Variants in OAS3 observed in about 807,000 individuals in gnomAD.
OAS3 encodes 2'-5'-oligoadenylate synthetase 3.
In OAS3, 107 loss-of-function variants were observed where a neutral mutation model predicts 113.0. The ratio of observed to expected loss-of-function variants is 0.95; its 90% CI spans 0.81 to 1.11. The LOEUF (loss-of-function observed/expected upper bound fraction) is 1.11. Among genes scored for constraint, OAS3 ranks in the 50% most tolerant of loss-of-function variants. The pLI is 0.00. For missense variants in OAS3, 1,258 were observed against 1,389.1 expected, an observed-to-expected ratio of 0.91 and a Z score of 1.50; for synonymous variants, 552 against 573.6, an observed-to-expected ratio of 0.96 and a Z score of 0.54.
intron 7 of OAS3, among the ~76,000 whole-genome samples, chr12:112,958,179 A>G (rs2043852515): frequency 6.6e-6 from 1 of 152,248 alleles, no homozygotes; most frequent in Non-Finnish European, 1.5e-5. Context: ...CATGATTTTC[A>G]GCTCCATCAG....
Position 112,948,044 on chromosome 12 carries a change from A to T in OAS3, c.974A>T (p.Asp325Val). The change falls in exon 5 of 16, where the codon GAC (aspartate) becomes GTC (valine). Residue 325 changes from aspartate (D) to valine (V), a missense_variant. Coordinates refer to ENST00000228928, the MANE Select transcript of OAS3 (RefSeq NM_006187.4). ...LLAQEAASCY[D>V]HPCFLRGMGD... ...GCCCAGGAGGCAGCATCCTGCTATG[A>T]CCACCCATGCTTTCTGAGGGGGATG... 3.3e-5 allele frequency: 52 copies of T among 1,593,542 alleles called. No homozygotes were observed. The highest frequency in any genetic ancestry group is 4.4e-5 in the Non-Finnish European group (52 of 1,169,394).
chr12:112,969,339 T>C (rs909925224), intron 14 of OAS3: 3 of 499,850 alleles, frequency 6.0e-6, no homozygotes, highest in African/African-American at 3.8e-5. Context: ...TTGTGATTGA[T>C]TAACAATGCC....
At chr12:112,949,712 C>T (rs2043771916) in intron 6 of OAS3, among the ~76,000 whole-genome samples, 1 of 152,186 alleles carries the variant, frequency 6.6e-6, no homozygotes. Context: ...TGAGGCCTGA[C>T]CACACGATTT....
chr12:112,946,772 G>A lies in OAS3; in HGVS notation c.666G>A (p.Thr222=), dbSNP rs760525393. ...GCCTACAGGGGTTGTGGAAGGAGAC[G>A]CTGCCCCCGGTCTATGCCCTGGAAT... is the stretch of plus-strand genomic sequence containing the variant. ...QVCLQGLWKE[T]LPPVYALELL... The change falls in exon 4 of 16, where the codon ACG becomes ACA. Residue 222 remains threonine, a synonymous_variant. Transcript: ENST00000228928. 70 of 1,611,870 alleles carry A rather than the reference G, an allele frequency of 4.3e-5. No homozygotes were observed. Among genetic ancestry groups the A allele is most frequent in the Non-Finnish European group, 5.5e-5 (65 of 1,179,186 alleles).
At position 112,967,955 on chromosome 12, in the gene OAS3, G is replaced by C. The variant is rs1438024485; in HGVS notation, c.2885G>C (p.Gly962Ala). Residue 962 changes from glycine (G) to alanine (A), a missense_variant, in exon 14 of 16, where the codon GGG (glycine) becomes GCG (alanine). Coordinates refer to ENST00000228928, the MANE Select transcript of OAS3 (RefSeq NM_006187.4). Reference sequence around the variant, plus strand: ...CTCCAGTGTACCAAGATCTCCAAGGGGAGAGGCTCCCTACCCCCACAGCAC... The same window carrying C: ...CTCCAGTGTACCAAGATCTCCAAGGCGAGAGGCTCCCTACCCCCACAGCAC... ...WYQQCTKISK[G>A]RGSLPPQHGL... The C allele has an allele frequency of 6.2e-7, 1 of 1,613,726 alleles. No homozygotes were observed. Among genetic ancestry groups the C allele is most frequent in the Non-Finnish European group, 8.5e-7 (1 of 1,179,746 alleles).
chr12:112,957,965 C>G (rs947174668), intron 7 of OAS3, among the ~76,000 whole-genome samples: 2 of 152,192 alleles, frequency 1.3e-5, no homozygotes, highest in Non-Finnish European at 2.9e-5. Context: ...TGTCACTTTC[C>G]GGTACACCAA....
At chr12:112,941,484 C>T in intron 1 of OAS3, 86 bp from the exon 2 acceptor site, 1 of 1,444,360 alleles carries the variant, frequency 6.9e-7, no homozygotes, top group Non-Finnish European at 9.5e-7. Flanking sequence ...CTCCCCAGCA[C>T]ACTTGCCTCA....
At position 112,966,023 on chromosome 12, in the gene OAS3, G is replaced by A. The variant is rs1014332325; in HGVS notation, c.2683G>A (p.Ala895Thr). The A allele has an allele frequency of 7.4e-6, 12 of 1,613,744 alleles. No individual in the cohort carries two copies. In the African/African-American group the frequency reaches 9.3e-5, roughly 13 times the overall value. The change falls in exon 12 of 16, where the codon GCC (alanine) becomes ACC (threonine). Residue 895 changes from alanine to threonine, a missense_variant. Physicochemically the swap from Ala to Thr is moderately conservative, Grantham distance 58. Coordinates refer to ENST00000228928, the MANE Select transcript of OAS3 (RefSeq NM_006187.4). ...VDFDVLPAFD[A>T]LGQLVSGSRP... ...CTTTGATGTGCTGCCAGCCTTTGAC[G>A]CCCTAGGTGAGGTGCCCTGGCGTAG...
Position 112,963,433 on chromosome 12 carries a change from A to G in OAS3, c.2205A>G (p.Thr735=), listed in dbSNP as rs1467302699. ...CCTGCTTTCTGAGTAGAGACGGGAC[A>G]TCTGTGCAGCCCTGGGATGTGATGG... is the stretch of plus-strand genomic sequence containing the variant. The part of the protein sequence containing the change: ...MQACFLSRDG[T]SVQPWDVMPA... The change falls in exon 10 of 16, where the codon ACA becomes ACG. Residue 735 remains threonine (T), a synonymous_variant. Coordinates refer to ENST00000228928, the MANE Select transcript of OAS3 (RefSeq NM_006187.4). The surrounding 1 kb of genome is among the most constrained non-coding windows in gnomAD (Gnocchi z 4.6). 4 of 1,550,844 alleles carry G rather than the reference A, an allele frequency of 2.6e-6. No homozygotes were observed. Among genetic ancestry groups the G allele is most frequent in the Non-Finnish European group, 3.5e-6 (4 of 1,146,560 alleles).
chr12:112,957,157 A>C (rs1175174758), intron 7 of OAS3, among the ~76,000 whole-genome samples: 1 of 152,088 alleles, frequency 6.6e-6, no homozygotes. Context: ...CTAGGATTGC[A>C]ACCCTTGCTT....
chr12:112,945,711 T>C (rs901354834), intron 3 of OAS3, among the ~76,000 whole-genome samples: 1 of 152,196 alleles, frequency 6.6e-6, no homozygotes, highest in Non-Finnish European at 1.5e-5. Flanking sequence ...TTCCTAGCCT[T>C]CTCTGGGCCT....
chr12:112,967,409 C>T lies in OAS3; in HGVS notation c.2690-9C>T. On this transcript the variant is annotated splice_polypyrimidine_tract_variant and intron_variant, in intron 12 of 15. Coordinates refer to ENST00000228928, the MANE Select transcript of OAS3 (RefSeq NM_006187.4). The stretch of plus-strand genomic sequence containing the variant: ...GCCGGAGTGATGGTAACCATCTCCC[C>T]ATCTCCAGGCCAGCTGGTCTCTGGC... The T allele has an allele frequency of 1.2e-6, 2 of 1,607,874 alleles. No homozygotes were observed. The highest frequency in any genetic ancestry group is 1.7e-6 in the Non-Finnish European group (2 of 1,176,916).
chr12:112,968,996 GA>G (rs1188220600), intron 14 of OAS3, among the ~76,000 whole-genome samples: 1 of 152,178 alleles, frequency 6.6e-6, no homozygotes, highest in African/African-American at 2.4e-5. Flanking sequence ...ATGATGTGTT[GA>G]AAAAGCTTCT....
intron 11 of OAS3, among the ~76,000 whole-genome samples, 195 bp from the exon 12 acceptor site, chr12:112,965,549 G>A (rs373606441): frequency 4.6e-5 from 7 of 152,290 alleles, no homozygotes; most frequent in African/African-American, 1.7e-4. Flanking sequence ...ATTTGTTGAA[G>A]GGTTTAAACT....
chr12:112,958,617 C>T (rs2043855610), intron 7 of OAS3, among the ~76,000 whole-genome samples: 1 of 152,256 alleles, frequency 6.6e-6, no homozygotes, highest in Non-Finnish European at 1.5e-5. Flanking sequence ...CCACTCCAGA[C>T]CCTGTTTGCC....
In OAS3 at chr12:112,964,361, G is replaced by A. The variant is rs1423484423; in HGVS notation, c.2356G>A (p.Glu786Lys). Reference protein sequence around the residue: ...AVDTICSFLKENCFRNSPIKV... With the variant: ...AVDTICSFLKKNCFRNSPIKV... ...TGATACCATCTGTTCATTTTTGAAG[G>A]AAAACTGCTTCCGGAATTCTCCCAT... The change falls in exon 11 of 16, where the codon GAA becomes AAA. Residue 786 changes from glutamate (E) to lysine (K), a missense_variant. Transcript: ENST00000228928. 1.2e-6 allele frequency: 2 copies of A among 1,612,578 alleles called. No individual in the cohort carries two copies. The highest frequency in any genetic ancestry group is 1.7e-5 in the Admixed American group (1 of 59,864).
Position 112,938,484 on chromosome 12 carries a change from A to C in OAS3, c.-47A>C, listed in dbSNP as rs1220561377. 2.0e-6 allele frequency: 3 copies of C among 1,488,664 alleles called. No homozygotes were observed. The highest frequency in any genetic ancestry group is 2.7e-6 in the Non-Finnish European group (3 of 1,120,222). The allele number at this position is 1,488,664 out of a possible 1,614,324, so 92.2% of individuals were successfully genotyped here. On this transcript the variant is annotated 5_prime_UTR_variant, in exon 1 of 16. Transcript: ENST00000228928. ...CGGGAAAACGAAACCAGAAATCCGA[A>C]GGCCGCGCCAGAGCCCTGCTTCCCC...
At position 112,965,740 on chromosome 12, in the gene OAS3, C is replaced by T. The variant is rs377386396; in HGVS notation, c.2404-4C>T. ...GGTTGAGCCACCTGCCATGTCCTCT[C>T]CAGGGTGGCTCTTCAGCCAAAGGCA... is the stretch of plus-strand genomic sequence containing the variant. On this transcript the variant is annotated splice_region_variant and splice_polypyrimidine_tract_variant and intron_variant, in intron 11 of 15. Transcript: ENST00000228928. The T allele has an allele frequency of 5.6e-6, 9 of 1,606,574 alleles. No homozygotes were observed. In the South Asian group the frequency reaches 8.8e-5, roughly 16 times the overall value.
At position 112,954,188 on chromosome 12, in the gene OAS3, GT is replaced by G. The variant is rs2043814021; in HGVS notation, c.1657+3216del. ...GTATAAGGTGTAAGGAAAGGATACAGTTTCAGCTTTCTAGATATGGCTAGCC... is the reference window on the plus strand; with the variant it reads ...GTATAAGGTGTAAGGAAAGGATACAGTTCAGCTTTCTAGATATGGCTAGCC... On this transcript the variant is annotated intron_variant, in intron 7 of 15. Coordinates refer to ENST00000228928, the MANE Select transcript of OAS3 (RefSeq NM_006187.4). This position sits in a 1 kb window ranked among gnomAD's most constrained non-coding sequence, Gnocchi z 4.0. Among the ~76,000 whole-genome samples, 1 of 152,190 alleles carries G rather than the reference GT, an allele frequency of 6.6e-6. No individual in the cohort carries two copies. Among genetic ancestry groups the G allele is most frequent in the African/African-American group, 2.4e-5 (1 of 41,440 alleles).
Sources: gnomAD v4.1 joint callset for allele counts (sites outside exome capture counted in the v4.1 genomes callset) on GRCh38, gnomAD v4.1.1 for gene constraint, Gnocchi (gnomAD v3.1) non-coding constraint, MANE v1.5 for transcripts, NCBI Gene and HGNC (gene_info 2026-07-23, HGNC 2026-07-21) for gene names.